The following RIMKLA variants were observed in gnomAD, a reference collection of about 807,000 sequenced individuals.
The protein encoded by RIMKLA is ribosomal modification protein rimK like family member A.
In RIMKLA, 14 loss-of-function variants were observed where a neutral mutation model predicts 32.7. The ratio of observed to expected loss-of-function variants is 0.43; its 90% CI spans 0.28 to 0.67. The LOEUF (loss-of-function observed/expected upper bound fraction) is 0.67. Ranked by LOEUF, RIMKLA falls within the 30% of genes least tolerant of loss-of-function variation. The pLI, the probability that RIMKLA is intolerant of heterozygous loss-of-function variation, is 0.18. For missense variants in RIMKLA, 410 were observed against 519.0 expected (o/e 0.79, Z 2.04); for synonymous variants, 176 against 204.1 (o/e 0.86, Z 1.18).
In RIMKLA at chr1:42,419,765, T is replaced by G. The variant is rs1037722228; in HGVS notation, c.*4791T>G. The G allele has an allele frequency of 6.6e-6, 1 of 152,232 alleles. No individual in the cohort carries two copies. The highest frequency in any genetic ancestry group is 2.1e-4 in the South Asian group (1 of 4,830). The allele number at this position is 152,232 out of a possible 1,614,324, so 9.4% of individuals were successfully genotyped here. A position where few individuals can be genotyped will look rare whatever the true frequency, so the allele number is the denominator to read the frequency against. On this transcript the variant is annotated 3_prime_UTR_variant, in exon 5 of 5. Transcript: ENST00000431473. ...AAGCTGGCTCATGGCCCGCACCGTC[T>G]TTAGACCAGCCAAGACCATTTAACT...
At chr1:42,385,560 T>C (rs1192734399) in intron 1 of RIMKLA, among the ~76,000 whole-genome samples, 1 of 152,176 alleles carries the variant, frequency 6.6e-6, no homozygotes, top group Non-Finnish European at 1.5e-5. Flanking sequence ...TGGATCCTTT[T>C]ACAAGGGCTG....
chr1:42,413,973 T>C (rs1296588507), intron 4 of RIMKLA, among the ~76,000 whole-genome samples: 1 of 151,320 alleles, frequency 6.6e-6, no homozygotes, highest in African/African-American at 2.4e-5. Flanking sequence ...CCCAGCCTGG[T>C]CCAAACGCTT....
intron 1 of RIMKLA, among the ~76,000 whole-genome samples, chr1:42,384,587 GTATA>G (rs1194164186): frequency 5.1e-5 from 7 of 136,730 alleles, no homozygotes; most frequent in Non-Finnish European, 9.2e-5. Context: ...ATATATGTGT[GTATA>G]TATGTATATA....
intron 2 of RIMKLA, among the ~76,000 whole-genome samples, chr1:42,402,845 C>T (rs1408929502): frequency 1.3e-5 from 2 of 152,102 alleles, no homozygotes; most frequent in Non-Finnish European, 1.5e-5. Flanking sequence ...CCCACCTCGG[C>T]GCCCACGAAG....
At chr1:42,389,448 G>T (rs1420185503) in intron 1 of RIMKLA, among the ~76,000 whole-genome samples, 1 of 151,488 alleles carries the variant, frequency 6.6e-6, no homozygotes, top group African/African-American at 2.4e-5. Context: ...ACCCAGGAGA[G>T]TGGGTGTCCT....
At chr1:42,397,610 A>G (rs1235235660) in intron 1 of RIMKLA, among the ~76,000 whole-genome samples, 2 of 152,158 alleles carry the variant, frequency 1.3e-5, no homozygotes, top group Non-Finnish European at 2.9e-5. Context: ...TTGTAGTCCC[A>G]ACTACTTGGA....
Position 42,424,068 on chromosome 1 carries a change from C to A in RIMKLA, c.*9094C>A, listed in dbSNP as rs1006766804. 6.6e-6 allele frequency among the ~76,000 whole-genome samples: 1 copy of A among 152,176 alleles called. No homozygotes were observed. Among genetic ancestry groups the A allele is most frequent in the Non-Finnish European group, 1.5e-5 (1 of 68,038 alleles). On this transcript the variant is annotated 3_prime_UTR_variant, in exon 5 of 5. Coordinates refer to ENST00000431473, the MANE Select transcript of RIMKLA (RefSeq NM_173642.4). Reference sequence around the variant, plus strand: ...AGCACACTGCCTGCCCAGGGATTTTCTTCTGCTCTAAAGGACATTATTAAG... The same window carrying A: ...AGCACACTGCCTGCCCAGGGATTTTATTCTGCTCTAAAGGACATTATTAAG...
rs145990182 is a variant in RIMKLA at position 42,410,771 on chromosome 1, C to G, written c.685+584C>G. On this transcript the variant is annotated intron_variant, in intron 4 of 4. Coordinates refer to ENST00000431473, the MANE Select transcript of RIMKLA (RefSeq NM_173642.4). ...CTTCAAGAGGGATGTAAGTTCTTGT[C>G]CCCATCACAGAAAGCTATTGTCAAC... 6.4e-4 allele frequency among the ~76,000 whole-genome samples: 98 copies of G among 152,168 alleles called. 2 individuals carry two copies. The highest frequency in any genetic ancestry group is 3.4e-3 in the Middle Eastern group (1 of 294).
chr1:42,411,641 AT>A (rs1191080243), intron 4 of RIMKLA, among the ~76,000 whole-genome samples: 7 of 142,244 alleles, frequency 4.9e-5, no homozygotes, highest in African/African-American at 1.6e-4. Context: ...TTGTATTTTT[AT>A]TTTTATTATT....
intron 2 of RIMKLA, among the ~76,000 whole-genome samples, chr1:42,404,206 T>G (rs991511763): frequency 6.6e-6 from 1 of 152,166 alleles, no homozygotes; most frequent in Non-Finnish European, 1.5e-5. Context: ...GGGGCAGATA[T>G]ATCTTGGGGT....
At position 42,415,037 on chromosome 1, in the gene RIMKLA, T is replaced by C; in HGVS notation, c.*63T>C. 6.8e-7 allele frequency: 1 copy of C among 1,480,736 alleles called. No homozygotes were observed. Among genetic ancestry groups the C allele is most frequent in the Non-Finnish European group, 9.0e-7 (1 of 1,105,380 alleles). 91.7% of individuals were successfully genotyped at this position (1,480,736 alleles called of 1,614,324 possible). A position where few individuals can be genotyped will look rare whatever the true frequency, so the allele number is the denominator to read the frequency against. Reference sequence around the variant, plus strand: ...TGCTTCCCTAGTAGTTTTGAGTGAATAAAATCTGGACTAATGTGATTTCAT... The same window carrying C: ...TGCTTCCCTAGTAGTTTTGAGTGAACAAAATCTGGACTAATGTGATTTCAT... On this transcript the variant is annotated 3_prime_UTR_variant, in exon 5 of 5. Coordinates refer to ENST00000431473, the MANE Select transcript of RIMKLA (RefSeq NM_173642.4).
At chr1:42,413,133 CAAAT>C (rs368162189) in intron 4 of RIMKLA, among the ~76,000 whole-genome samples, 3 of 150,386 alleles carry the variant, frequency 2.0e-5, no homozygotes, top group East Asian at 2.0e-4. Flanking sequence ...GACTCTGTCT[CAAAT>C]AAATAAATAA....
chr1:42,422,855 C>T lies in RIMKLA; in HGVS notation c.*7881C>T, dbSNP rs1238706138. On this transcript the variant is annotated 3_prime_UTR_variant, in exon 5 of 5. Transcript: ENST00000431473. ...AAAATACTAATGCAGATGGCGTGAG[C>T]TTGTCACGGGCCTGCTCAGCGTGCT... Among the ~76,000 whole-genome samples the T allele has an allele frequency of 6.6e-6, 1 of 152,164 alleles. No individual in the cohort carries two copies. The highest frequency in any genetic ancestry group is 1.9e-4 in the East Asian group (1 of 5,198).
chr1:42,387,945 T>G (rs1003012238), intron 1 of RIMKLA, among the ~76,000 whole-genome samples: 1 of 151,810 alleles, frequency 6.6e-6, no homozygotes. Flanking sequence ...GTGGCCGGAG[T>G]GGTCCTCACC....
intron 1 of RIMKLA, among the ~76,000 whole-genome samples, chr1:42,392,185 T>C (rs1643005121): frequency 2.0e-5 from 3 of 152,160 alleles, no homozygotes; most frequent in Admixed American, 2.0e-4. Flanking sequence ...TCTGAAACTT[T>C]CCTTGATTTT....
rs1557757668 is a variant in RIMKLA, at chr1:42,410,123, C to T, written c.621C>T (p.Gly207=). 1 of 1,614,064 alleles carries T rather than the reference C, an allele frequency of 6.2e-7. No homozygotes were observed. The highest frequency in any genetic ancestry group is 2.2e-5 in the East Asian group (1 of 44,886). The change falls in exon 4 of 5, where the codon GGC becomes GGT. Residue 207 remains glycine, a synonymous_variant. Transcript: ENST00000431473. ...GKDIRVVVVG[G]QVIGSMLRCS... is the part of the protein sequence containing the mutation. ...ACATCCGGGTGGTGGTGGTAGGGGGCCAGGTCATAGGCTCTATGCTTCGCT... is the reference window on the plus strand; with the variant it reads ...ACATCCGGGTGGTGGTGGTAGGGGGTCAGGTCATAGGCTCTATGCTTCGCT...
At chr1:42,411,336 T>TTAA (rs1553177335) in intron 4 of RIMKLA, among the ~76,000 whole-genome samples, 3 of 139,342 alleles carry the variant, frequency 2.2e-5, no homozygotes, top group African/African-American at 7.8e-5. Flanking sequence ...CCCTATCTCT[T>TTAA]AAAAAAAAAA....
rs1393444153 is a variant in RIMKLA at position 42,420,724 on chromosome 1, C to T, written c.*5750C>T. The T allele has an allele frequency of 1.3e-5, 2 of 152,324 alleles. No homozygotes were observed. The highest frequency in any genetic ancestry group is 2.1e-4 in the South Asian group (1 of 4,836). 9.4% of individuals were successfully genotyped at this position (152,324 alleles called of 1,614,324 possible). Reference sequence around the variant, plus strand: ...CATCACAATGACCATATTCACCACTCGTTGTCAGGGGTACACCTTTTGGAA... The same window carrying T: ...CATCACAATGACCATATTCACCACTTGTTGTCAGGGGTACACCTTTTGGAA... On this transcript the variant is annotated 3_prime_UTR_variant, in exon 5 of 5. Coordinates refer to ENST00000431473, the MANE Select transcript of RIMKLA (RefSeq NM_173642.4).
intron 3 of RIMKLA, 83 bp downstream of exon 3, chr1:42,404,680 C>A: frequency 3.5e-6 from 3 of 848,880 alleles, no homozygotes; most frequent in Non-Finnish European, 5.9e-6. Flanking sequence ...TCCTCAAGTG[C>A]TGCTTAGAAA....
Sources: allele counts gnomAD v4.1 joint callset (sites outside exome capture counted in the v4.1 genomes callset), GRCh38; gene constraint gnomAD v4.1.1; transcripts MANE v1.5; gene names NCBI Gene and HGNC (gene_info 2026-07-23, HGNC 2026-07-21).